The following MTHFD1L variants were observed in gnomAD, a reference collection of about 807,000 sequenced individuals.
MTHFD1L encodes methylenetetrahydrofolate dehydrogenase (NADP+ dependent) 1 like.
Under a neutral mutation model 119.5 loss-of-function variants are expected in MTHFD1L, and 81 were observed. That is an observed-to-expected ratio of 0.68 (90% confidence interval 0.57 to 0.82). The LOEUF is 0.82. Among genes scored for constraint, MTHFD1L ranks in the 40% least tolerant of loss-of-function variants. The pLI is 0.00. For synonymous variants in MTHFD1L, 430 were observed against 475.2 expected, an observed-to-expected ratio of 0.90 and a Z score of 1.24; for missense variants, 1,125 against 1,253.4, an observed-to-expected ratio of 0.90 and a Z score of 1.55.
At chr6:150,947,841 TG>T (rs1285251659) in intron 15 of MTHFD1L, among the ~76,000 whole-genome samples, 1 of 152,196 alleles carries the variant, frequency 6.6e-6, no homozygotes, top group East Asian at 1.9e-4. Flanking sequence ...GTTAGCTGTA[TG>T]CTGTCCACTG....
intron 24 of MTHFD1L, among the ~76,000 whole-genome samples, chr6:151,024,629 G>A (rs1043600837): frequency 2.0e-5 from 3 of 152,118 alleles, no homozygotes; most frequent in African/African-American, 7.2e-5. Context: ...AGGAGTTGGA[G>A]ACCAGCCTGG....
At chr6:150,968,233 A>G (rs140950171) in intron 19 of MTHFD1L, among the ~76,000 whole-genome samples, 237 of 152,186 alleles carry the variant, frequency 1.6e-3, no homozygotes, top group African/African-American at 5.1e-3. Flanking sequence ...CACCGAGATG[A>G]CAGCAAGACC....
At chr6:151,075,748 C>A (rs1792433015) in intron 26 of MTHFD1L, among the ~76,000 whole-genome samples, 1 of 152,212 alleles carries the variant, frequency 6.6e-6, no homozygotes, top group Non-Finnish European at 1.5e-5. Flanking sequence ...GGGCTCAAAT[C>A]ATACAAAATA....
chr6:150,928,557 CTT>C (rs545794923), intron 11 of MTHFD1L, among the ~76,000 whole-genome samples: 2 of 138,288 alleles, frequency 1.4e-5, no homozygotes, highest in Admixed American at 7.4e-5. Context: ...TGTAGCTTTT[CTT>C]TTTTTTTTTT....
chr6:150,971,025 A>G (rs796846987), intron 19 of MTHFD1L, among the ~76,000 whole-genome samples: 5 of 152,264 alleles, frequency 3.3e-5, no homozygotes, highest in African/African-American at 1.2e-4. Context: ...ATTTCTAGCT[A>G]AAGCTACATT....
chr6:151,095,133 T>C (rs1010925644), intron 27 of MTHFD1L, among the ~76,000 whole-genome samples: 1 of 152,232 alleles, frequency 6.6e-6, no homozygotes, highest in Non-Finnish European at 1.5e-5. Flanking sequence ...CATAACTGCA[T>C]CTTTGATCTT....
At chr6:150,927,367 T>G (rs552613886) in intron 11 of MTHFD1L, among the ~76,000 whole-genome samples, 1 of 152,098 alleles carries the variant, frequency 6.6e-6, no homozygotes, top group East Asian at 1.9e-4. Context: ...CAAGCATATG[T>G]GGCATACTGA....
At chr6:150,982,930 C>A (rs1002736372) in intron 20 of MTHFD1L, among the ~76,000 whole-genome samples, 3 of 152,152 alleles carry the variant, frequency 2.0e-5, no homozygotes, top group Non-Finnish European at 4.4e-5. Context: ...AAACTCCTGA[C>A]CTCAGGTGAT....
chr6:151,059,705 A>G (rs926791943), intron 26 of MTHFD1L, among the ~76,000 whole-genome samples: 1 of 151,644 alleles, frequency 6.6e-6, no homozygotes, highest in Non-Finnish European at 1.5e-5. Context: ...TTCCCAGAGC[A>G]GTTTCGAAAG....
At chr6:150,967,588 G>T (rs938930674) in intron 19 of MTHFD1L, among the ~76,000 whole-genome samples, 2 of 152,140 alleles carry the variant, frequency 1.3e-5, no homozygotes, top group Admixed American at 1.3e-4. Flanking sequence ...CTTCCTTCCA[G>T]CTCGCTGCTT....
At chr6:150,885,824 A>T (rs962839366) in intron 6 of MTHFD1L, 90 bp downstream of exon 6, 4 of 965,782 alleles carry the variant, frequency 4.1e-6, no homozygotes, top group Non-Finnish European at 6.2e-6. Context: ...AGAATTAAAA[A>T]TTTTTTTAAA....
intron 26 of MTHFD1L, among the ~76,000 whole-genome samples, chr6:151,053,067 T>C (rs1263452559): frequency 1.3e-5 from 2 of 152,216 alleles, no homozygotes; most frequent in Non-Finnish European, 1.5e-5. Context: ...GAAACTATAT[T>C]ACACAGATAA....
chr6:150,931,933 G>A (rs532060032), intron 11 of MTHFD1L, among the ~76,000 whole-genome samples: 12 of 152,072 alleles, frequency 7.9e-5, no homozygotes, highest in African/African-American at 9.6e-5. Context: ...AGGCCGAGGC[G>A]GGCGGATCAT....
At chr6:151,062,208 G>A (rs1210273963) in intron 26 of MTHFD1L, among the ~76,000 whole-genome samples, 1 of 152,164 alleles carries the variant, frequency 6.6e-6, no homozygotes, top group Non-Finnish European at 1.5e-5. Context: ...AGGCCGAGGC[G>A]AGCGGATCAC....
chr6:151,017,790 A>G (rs1282020893), intron 24 of MTHFD1L, among the ~76,000 whole-genome samples: 1 of 148,750 alleles, frequency 6.7e-6, no homozygotes, highest in East Asian at 2.0e-4. Context: ...TGTTTATGGC[A>G]TATGGCATAT....
chr6:150,932,668 C>G (rs560640618), intron 11 of MTHFD1L, among the ~76,000 whole-genome samples: 1 of 151,152 alleles, frequency 6.6e-6, no homozygotes, highest in Non-Finnish European at 1.5e-5. Flanking sequence ...CTCAGGAGGC[C>G]GAGGCAGGAG....
rs1366357526 is a variant in MTHFD1L at position 150,922,320 on chromosome 6, T to C, written c.1082+18T>C. ...GTGCCAAGGTAACACTGGTGTTTTA[T>C]TTACACTGATGTCAGCTCAGCACAG... On this transcript the variant is annotated intron_variant, in intron 10 of 27. Transcript: ENST00000367321. 9 of 1,601,662 alleles carry C rather than the reference T, an allele frequency of 5.6e-6. No homozygotes were observed. The highest frequency in any genetic ancestry group is 7.7e-6 in the Non-Finnish European group (9 of 1,168,744).
At chr6:151,009,512 C>T (rs1474336589) in intron 20 of MTHFD1L, among the ~76,000 whole-genome samples, 2 of 150,606 alleles carry the variant, frequency 1.3e-5, no homozygotes, top group East Asian at 1.9e-4. Context: ...CCAGCCTGTG[C>T]GACAGGGCAA....
At chr6:151,068,679 T>A (rs774159709) in intron 26 of MTHFD1L, among the ~76,000 whole-genome samples, 1 of 152,232 alleles carries the variant, frequency 6.6e-6, no homozygotes. Flanking sequence ...CTTCTTGATA[T>A]GAATTGAATA....
Sources: allele counts gnomAD v4.1 joint callset (sites outside exome capture counted in the v4.1 genomes callset), GRCh38; gene constraint gnomAD v4.1.1; transcripts MANE v1.5; gene names NCBI Gene and HGNC (gene_info 2026-07-23, HGNC 2026-07-21).